The following ZFP1 variants were observed in gnomAD, a reference collection of about 807,000 sequenced individuals.
The protein encoded by ZFP1 is ZFP1 zinc finger protein, also known as zinc finger protein 1 homolog.
A neutral mutation model predicts 38.5 loss-of-function variants in ZFP1; 32 were observed. That is an observed-to-expected ratio of 0.83 (90% CI 0.63 to 1.12). ZFP1 has a LOEUF of 1.12. ZFP1 is among the 50% of genes most tolerant of loss of function. ZFP1 has a pLI of 0.00. For missense variants in ZFP1, 616 were observed against 480.8 expected, an observed-to-expected ratio of 1.28 and a Z score of -2.63; for synonymous variants, 245 against 168.8, an observed-to-expected ratio of 1.45 and a Z score of -3.50.
chr16:75,135,472 A>G, the ZFP1 span, among the ~76,000 whole-genome samples: 1 of 152,190 alleles, frequency 6.6e-6, no homozygotes, highest in Non-Finnish European at 1.5e-5. Context: ...CAGTAAAAAG[A>G]TTAGTGATTA....
the ZFP1 span, among the ~76,000 whole-genome samples, chr16:75,132,984 T>C: frequency 6.9e-6 from 1 of 143,948 alleles, no homozygotes; most frequent in Non-Finnish European, 1.5e-5. Context: ...ATTTTTTAAC[T>C]TTTTTTTTTT....
intron 3 of ZFP1, among the ~76,000 whole-genome samples, chr16:75,167,748 C>A (rs1222913863): frequency 6.6e-6 from 1 of 152,138 alleles, no homozygotes; most frequent in Non-Finnish European, 1.5e-5. Context: ...CAGACACACA[C>A]CACCATGTCC....
the ZFP1 span, among the ~76,000 whole-genome samples, chr16:75,119,830 C>T: frequency 6.6e-6 from 1 of 151,958 alleles, no homozygotes; most frequent in African/African-American, 2.4e-5. Context: ...AACAAGGCCT[C>T]TGAAGTGGCT....
At chr16:75,121,818 A>G in the ZFP1 span, among the ~76,000 whole-genome samples, 1 of 152,238 alleles carries the variant, frequency 6.6e-6, no homozygotes, top group African/African-American at 2.4e-5. Flanking sequence ...GTAACTCAGT[A>G]AAATTATTAA....
chr16:75,141,419 A>T, the ZFP1 span, among the ~76,000 whole-genome samples: 1 of 151,504 alleles, frequency 6.6e-6, no homozygotes, highest in Non-Finnish European at 1.5e-5. Context: ...GTTAGCCAGG[A>T]TGGTCTCGAT....
chr16:75,169,248 C>G lies in ZFP1; in HGVS notation c.143-5C>G, dbSNP rs2038279179. The G allele has an allele frequency of 3.1e-6, 5 of 1,601,318 alleles. No homozygotes were observed. The highest frequency in any genetic ancestry group is 1.8e-5 in the Admixed American group (1 of 56,118). On this transcript the variant is annotated splice_region_variant and splice_polypyrimidine_tract_variant and intron_variant, in intron 3 of 3. Coordinates refer to ENST00000570010, the MANE Select transcript of ZFP1 (RefSeq NM_153688.4). ...GGTTCTTTTCATTGTGCTCTCTATT[C>G]CTAGAAGTGTGGAAGGCTGATGACC...
chr16:75,166,667 G>C (rs1038679065), intron 2 of ZFP1, 103 bp from the exon 3 acceptor site: 1 of 1,587,782 alleles, frequency 6.3e-7, no homozygotes, highest in African/African-American at 1.4e-5. Context: ...TGTATCGTTG[G>C]TGTAATATAT....
chr16:75,149,031 C>G (rs1206615825), intron 1 of ZFP1: 1 of 151,836 alleles, frequency 6.6e-6, no homozygotes, highest in Non-Finnish European at 1.5e-5. Flanking sequence ...CACACCTGGC[C>G]ACGCCCCGAT....
intron 1 of ZFP1, among the ~76,000 whole-genome samples, chr16:75,150,958 C>T (rs1445678942): frequency 1.3e-5 from 2 of 152,052 alleles, no homozygotes; most frequent in Non-Finnish European, 2.9e-5. Context: ...AGGTGTGCGC[C>T]CTAATCCTTT....
chr16:75,134,783 C>T, the ZFP1 span, among the ~76,000 whole-genome samples: 4 of 151,154 alleles, frequency 2.6e-5, no homozygotes, highest in Admixed American at 6.6e-5. Flanking sequence ...CCTGTCTGGG[C>T]GTGGTGGTTC....
intron 3 of ZFP1, among the ~76,000 whole-genome samples, chr16:75,167,642 C>T (rs937715746): frequency 6.6e-6 from 1 of 152,158 alleles, no homozygotes; most frequent in African/African-American, 2.4e-5. Flanking sequence ...TTCTGTCACC[C>T]AGGCTAGAAT....
chr16:75,170,144 C>T lies in ZFP1; in HGVS notation c.1034C>T (p.Thr345Ile), dbSNP rs868697262. 6.2e-7 allele frequency: 1 copy of T among 1,614,030 alleles called. No homozygotes were observed. Among genetic ancestry groups the T allele is most frequent in the Non-Finnish European group, 8.5e-7 (1 of 1,179,970 alleles). ...QNSQLIIHMR[T>I]HTGEKPYECT... Reference sequence around the variant, plus strand: ...TCACAGCTCATCATACACATGAGAACTCATACAGGAGAGAAACCCTATGAA... The same window carrying T: ...TCACAGCTCATCATACACATGAGAATTCATACAGGAGAGAAACCCTATGAA... The change falls in exon 4 of 4, where the codon ACT becomes ATT. Residue 345 changes from threonine to isoleucine, a missense_variant. Coordinates refer to ENST00000570010, the MANE Select transcript of ZFP1 (RefSeq NM_153688.4).
At position 75,170,709 on chromosome 16, in the gene ZFP1, C is replaced by G. The variant is rs1427869740; in HGVS notation, c.*375C>G. The G allele has an allele frequency of 5.9e-6, 1 of 169,620 alleles. No individual in the cohort carries two copies. The highest frequency in any genetic ancestry group is 1.3e-5 in the Non-Finnish European group (1 of 79,686). 10.5% of individuals were successfully genotyped at this position (169,620 alleles called of 1,614,324 possible). ...ACAAGTGGTATGCTTTAGATCTGCA[C>G]ATGTGAATTTAGCATAATCACTGGG... On this transcript the variant is annotated 3_prime_UTR_variant, in exon 4 of 4. Coordinates refer to ENST00000570010, the MANE Select transcript of ZFP1 (RefSeq NM_153688.4).
chr16:75,126,799 AT>A, the ZFP1 span, among the ~76,000 whole-genome samples: 1 of 152,260 alleles, frequency 6.6e-6, no homozygotes, highest in East Asian at 1.9e-4. Flanking sequence ...AGATAAAATT[AT>A]AAATTATGTT....
At chr16:75,165,494 A>G (rs2038022030) in intron 2 of ZFP1, among the ~76,000 whole-genome samples, 1 of 152,030 alleles carries the variant, frequency 6.6e-6, no homozygotes, top group Admixed American at 6.5e-5. Flanking sequence ...TCCCAGGTTC[A>G]AGCAATTCTC....
the ZFP1 span, among the ~76,000 whole-genome samples, chr16:75,132,913 A>C: frequency 2.0e-5 from 3 of 147,044 alleles, no homozygotes; most frequent in Admixed American, 1.4e-4. Flanking sequence ...ATCCACCTCA[A>C]CCTCCCAAAG....
chr16:75,156,971 G>T (rs1187852620), intron 2 of ZFP1, among the ~76,000 whole-genome samples: 1 of 152,332 alleles, frequency 6.6e-6, no homozygotes, highest in Admixed American at 6.5e-5. Flanking sequence ...TCTTGTTGAT[G>T]ACAACCCTCA....
At chr16:75,162,274 C>T (rs943230882) in intron 2 of ZFP1, among the ~76,000 whole-genome samples, 1 of 151,824 alleles carries the variant, frequency 6.6e-6, no homozygotes, top group African/African-American at 2.4e-5. Context: ...AGGCAGGCAC[C>T]ATCAAGCTGG....
At chr16:75,161,203 G>C (rs2037755122) in intron 2 of ZFP1, among the ~76,000 whole-genome samples, 1 of 152,132 alleles carries the variant, frequency 6.6e-6, no homozygotes, top group Non-Finnish European at 1.5e-5. Flanking sequence ...GAGTAGCTGG[G>C]ATTACAAGGT....
Sources: gnomAD v4.1 joint callset for allele counts (sites outside exome capture counted in the v4.1 genomes callset) on GRCh38, gnomAD v4.1.1 for gene constraint, MANE v1.5 for transcripts, NCBI Gene and HGNC (gene_info 2026-07-23, HGNC 2026-07-21) for gene names.